Variants in RAPGEF4 observed in about 807,000 individuals in gnomAD.
The protein encoded by RAPGEF4 is Rap guanine nucleotide exchange factor 4, also known as RAP guanine-nucleotide-exchange factor (GEF) 4.
A neutral mutation model predicts 147.9 loss-of-function variants in RAPGEF4; 66 were observed. The ratio of observed to expected loss-of-function variants is 0.45; its 90% confidence interval spans 0.37 to 0.55. The LOEUF is 0.55. Ranked by LOEUF, RAPGEF4 falls within the 20% of genes least tolerant of loss-of-function variation. RAPGEF4 has a pLI of 0.00. For missense variants in RAPGEF4, 1,071 were observed against 1,257.3 expected, an observed-to-expected ratio of 0.85 and a Z score of 2.24; for synonymous variants, 419 against 442.7, an observed-to-expected ratio of 0.95 and a Z score of 0.67.
At chr2:172,908,848 G>T (rs1232214663) in intron 4 of RAPGEF4, among the ~76,000 whole-genome samples, 1 of 152,112 alleles carries the variant, frequency 6.6e-6, no homozygotes, top group Non-Finnish European at 1.5e-5. Context: ...TGAAGCCAGA[G>T]AGCTTGAGGG....
At chr2:173,012,385 C>A (rs533245032) in intron 17 of RAPGEF4, among the ~76,000 whole-genome samples, 1 of 152,266 alleles carries the variant, frequency 6.6e-6, no homozygotes, top group Non-Finnish European at 1.5e-5. Context: ...AGCCCACACC[C>A]CTACTCCCCA....
At chr2:172,853,260 T>C (rs1693060567) in intron 4 of RAPGEF4, among the ~76,000 whole-genome samples, 1 of 152,042 alleles carries the variant, frequency 6.6e-6, no homozygotes, top group South Asian at 2.1e-4. Context: ...AAACCATTTG[T>C]ACTAGAGTTT....
intron 3 of RAPGEF4, among the ~76,000 whole-genome samples, chr2:172,801,465 G>C (rs1309730016): frequency 1.3e-5 from 2 of 152,154 alleles, no homozygotes; most frequent in Non-Finnish European, 2.9e-5. Flanking sequence ...CAGACCCTCA[G>C]TGGGGTGTGA....
intron 1 of RAPGEF4, among the ~76,000 whole-genome samples, chr2:172,766,444 C>T (rs1559030596): frequency 6.6e-6 from 1 of 151,900 alleles, no homozygotes; most frequent in Non-Finnish European, 1.5e-5. Flanking sequence ...CCCAGCTACT[C>T]GGGAGGCTGA....
chr2:172,847,714 A>G (rs1287664936), intron 4 of RAPGEF4, among the ~76,000 whole-genome samples: 1 of 152,198 alleles, frequency 6.6e-6, no homozygotes, highest in Admixed American at 6.5e-5. Flanking sequence ...GGGACAAAAC[A>G]TGTAAAAGGG....
At chr2:172,842,971 C>A (rs781153159) in intron 4 of RAPGEF4, among the ~76,000 whole-genome samples, 9 of 152,144 alleles carry the variant, frequency 5.9e-5, no homozygotes, top group Non-Finnish European at 1.2e-4. Context: ...TTGGGTGGAG[C>A]TTGGAAAATG....
At chr2:173,046,684 C>T (rs568349119) in intron 29 of RAPGEF4, among the ~76,000 whole-genome samples, 65 of 152,266 alleles carry the variant, frequency 4.3e-4, no homozygotes, top group African/African-American at 1.3e-3. Context: ...ATACATTGTA[C>T]GTTACATTTT....
intron 1 of RAPGEF4, among the ~76,000 whole-genome samples, chr2:172,773,985 C>A (rs1484039001): frequency 6.6e-6 from 1 of 152,120 alleles, no homozygotes; most frequent in Admixed American, 6.6e-5. Context: ...AACCAGAATA[C>A]TTTCGAGAGT....
At chr2:172,826,817 A>G (rs567892230) in intron 4 of RAPGEF4, among the ~76,000 whole-genome samples, 1 of 152,212 alleles carries the variant, frequency 6.6e-6, no homozygotes, top group Admixed American at 6.5e-5. Context: ...AAACACACAC[A>G]AAAAATGAGC....
chr2:172,749,324 T>C (rs1355011134), intron 1 of RAPGEF4, among the ~76,000 whole-genome samples: 2 of 152,222 alleles, frequency 1.3e-5, no homozygotes, highest in African/African-American at 4.8e-5. Flanking sequence ...TCCAGTTCCA[T>C]ACATCCCCCA....
At chr2:173,040,244 A>G (rs1259395155) in intron 29 of RAPGEF4, among the ~76,000 whole-genome samples, 7 of 152,168 alleles carry the variant, frequency 4.6e-5, no homozygotes. Flanking sequence ...AGAAAATGAA[A>G]TGAAATTTCA....
chr2:172,787,152 C>T (rs866687359), intron 1 of RAPGEF4, among the ~76,000 whole-genome samples: 5 of 152,014 alleles, frequency 3.3e-5, no homozygotes, highest in South Asian at 2.1e-4. Context: ...GTAGAGGTTG[C>T]GGTGAGCCAA....
chr2:172,981,076 A>G (rs1691631601), intron 10 of RAPGEF4, among the ~76,000 whole-genome samples: 1 of 152,192 alleles, frequency 6.6e-6, no homozygotes, highest in African/African-American at 2.4e-5. Context: ...ATATGTCCAG[A>G]TTTTAGAGCG....
At position 172,772,445 on chromosome 2, in the gene RAPGEF4, G is replaced by A. The variant is rs6748395; in HGVS notation, c.66-22580G>A. On this transcript the variant is annotated intron_variant, in intron 1 of 30. Transcript: ENST00000397081. ...TGCAGCCTCTGCCTCCCAGGTTCAA[G>A]CAATTCTCCTGCCTCAGCCTCCCGA... 9.3e-3 allele frequency among the ~76,000 whole-genome samples: 1,413 copies of A among 152,110 alleles called. 24 individuals are homozygous for A. Among genetic ancestry groups the A allele is most frequent in the African/African-American group, 0.031 (1,293 of 41,506 alleles).
At chr2:173,029,314 G>A (rs531614444) in intron 25 of RAPGEF4, among the ~76,000 whole-genome samples, 2 of 152,296 alleles carry the variant, frequency 1.3e-5, no homozygotes, top group South Asian at 2.1e-4. Context: ...GGTCAATTTC[G>A]ATAACCATAT....
intron 4 of RAPGEF4, among the ~76,000 whole-genome samples, chr2:172,839,821 G>A (rs1486154388): frequency 6.6e-6 from 1 of 152,124 alleles, no homozygotes; most frequent in East Asian, 1.9e-4. Context: ...TTTAGTAGTG[G>A]CACATCATTA....
chr2:172,740,120 G>A (rs184088016), intron 1 of RAPGEF4, among the ~76,000 whole-genome samples: 17 of 152,312 alleles, frequency 1.1e-4, no homozygotes, highest in African/African-American at 3.6e-4. Flanking sequence ...TGGAGACTGT[G>A]GGCCCACAGA....
chr2:172,736,919 G>A (rs1160699047), intron 1 of RAPGEF4, among the ~76,000 whole-genome samples: 1 of 152,190 alleles, frequency 6.6e-6, no homozygotes, highest in Non-Finnish European at 1.5e-5. Context: ...GATGCAGAAG[G>A]GCAATGATGC....
At chr2:172,827,301 C>T (rs1331154805) in intron 4 of RAPGEF4, among the ~76,000 whole-genome samples, 1 of 151,934 alleles carries the variant, frequency 6.6e-6, no homozygotes, top group African/African-American at 2.4e-5. Context: ...CCCTGAATTC[C>T]CTTTCTTGTT....
Sources: gnomAD v4.1 joint callset for allele counts (sites outside exome capture counted in the v4.1 genomes callset) on GRCh38, gnomAD v4.1.1 for gene constraint, MANE v1.5 for transcripts, NCBI Gene and HGNC (gene_info 2026-07-23, HGNC 2026-07-21) for gene names.